Variants in GTF2A1 observed in about 807,000 individuals in gnomAD.
GTF2A1 encodes the protein general transcription factor IIA subunit 1, also known as transcription initiation factor IIA subunit 1.
A neutral mutation model predicts 54.1 loss-of-function variants in GTF2A1; 12 were observed. The ratio of observed to expected loss-of-function variants is 0.22; its 90% CI spans 0.14 to 0.36. The LOEUF is 0.36. GTF2A1 is among the 10% of genes least tolerant of loss of function. GTF2A1 has a pLI of 1.00. For missense variants in GTF2A1, 335 were observed against 442.2 expected (o/e 0.76, Z 2.17); for synonymous variants, 145 against 152.0 (o/e 0.95, Z 0.34).
chr14:81,206,537 C>CGATA (rs1893234453), intron 2 of GTF2A1, among the ~76,000 whole-genome samples: 1 of 152,228 alleles, frequency 6.6e-6, no homozygotes, highest in Non-Finnish European at 1.5e-5. Flanking sequence ...CCCTTCCAAT[C>CGATA]TATCCTCTAT....
Position 81,216,930 on chromosome 14 carries a change from C to A in GTF2A1, c.31-416G>T, listed in dbSNP as rs150074893. ...GGAGAATCTTATGTCCGGGAGTCATCTGCCTGGTAATAATCTGCAACCTAA... is the reference window on the plus strand; with the variant it reads ...GGAGAATCTTATGTCCGGGAGTCATATGCCTGGTAATAATCTGCAACCTAA... On this transcript the variant is annotated intron_variant, in intron 1 of 8. Transcript: ENST00000553612. 7.9e-5 allele frequency among the ~76,000 whole-genome samples: 12 copies of A among 152,330 alleles called. No individual in the cohort carries two copies. In the East Asian group the frequency reaches 2.3e-3, roughly 29 times the overall value.
chr14:81,212,495 A>T (rs1893394396), intron 2 of GTF2A1, among the ~76,000 whole-genome samples: 1 of 152,224 alleles, frequency 6.6e-6, no homozygotes, highest in South Asian at 2.1e-4. Context: ...AAATATTCTT[A>T]TCATCTCCCT....
intron 2 of GTF2A1, among the ~76,000 whole-genome samples, chr14:81,212,505 T>C (rs1222967521): frequency 2.0e-5 from 3 of 152,214 alleles, no homozygotes; most frequent in Admixed American, 6.5e-5. Context: ...ATCATCTCCC[T>C]TTCTGCTTAC....
At chr14:81,189,890 A>G (rs531312589) in intron 7 of GTF2A1, among the ~76,000 whole-genome samples, 1 of 152,168 alleles carries the variant, frequency 6.6e-6, no homozygotes, top group Non-Finnish European at 1.5e-5. Flanking sequence ...TCTACAAACA[A>G]AACAGTTAAG....
intron 2 of GTF2A1, among the ~76,000 whole-genome samples, chr14:81,205,911 T>A (rs971361274): frequency 1.3e-5 from 2 of 152,208 alleles, no homozygotes; most frequent in African/African-American, 4.8e-5. Flanking sequence ...ACATTATGAC[T>A]AATGTATTAT....
chr14:81,187,881 T>A (rs1892784232), intron 7 of GTF2A1, among the ~76,000 whole-genome samples: 1 of 152,028 alleles, frequency 6.6e-6, no homozygotes, highest in Non-Finnish European at 1.5e-5. Context: ...AATTCTATAC[T>A]GAATTTTTGA....
intron 1 of GTF2A1, among the ~76,000 whole-genome samples, chr14:81,220,163 G>T (rs1243746623): frequency 1.1e-5 from 1 of 90,914 alleles, no homozygotes; most frequent in Non-Finnish European, 2.4e-5. Flanking sequence ...CTCCCCTCCC[G>T]CCCTCCCTCC....
intron 6 of GTF2A1, among the ~76,000 whole-genome samples, chr14:81,193,236 G>A (rs183932107): frequency 3.6e-4 from 53 of 148,818 alleles, no homozygotes; most frequent in African/African-American, 1.3e-3. Flanking sequence ...GTGTGATCTC[G>A]GCTCACTGCA....
chr14:81,199,146 T>C (rs139878656), intron 4 of GTF2A1, among the ~76,000 whole-genome samples: 1 of 152,320 alleles, frequency 6.6e-6, no homozygotes, highest in Non-Finnish European at 1.5e-5. Context: ...TTAGAAATAT[T>C]AAGTGCCTAT....
rs1209492196 is a variant in GTF2A1 at position 81,178,974 on chromosome 14, C to A, written c.*1249G>T. 1 of 152,120 alleles carries A rather than the reference C, an allele frequency of 6.6e-6. No individual in the cohort carries two copies. Among genetic ancestry groups the A allele is most frequent in the African/African-American group, 2.4e-5 (1 of 41,432 alleles). The allele number at this position is 152,120 out of a possible 1,614,324, so 9.4% of individuals were successfully genotyped here. A position where few individuals can be genotyped will look rare whatever the true frequency, so the allele number is the denominator to read the frequency against. ...CATTCTTAATATACATATTACATTT[C>A]TATTATTTTTAATATACAAGTCAAA... On this transcript the variant is annotated 3_prime_UTR_variant, in exon 9 of 9. Coordinates refer to ENST00000553612, the MANE Select transcript of GTF2A1 (RefSeq NM_015859.4).
chr14:81,192,881 GATCAAGT>G, intron 6 of GTF2A1, 42 bp from the exon 7 acceptor site: 1 of 1,079,300 alleles, frequency 9.3e-7, no homozygotes. Context: ...TAGTTAAGAG[GATCAAGT>G]ATGGTACACA....
chr14:81,201,542 T>C lies in GTF2A1; in HGVS notation c.402+52A>G. 2.9e-6 allele frequency: 3 copies of C among 1,038,138 alleles called. No homozygotes were observed. In the South Asian group the frequency reaches 3.9e-5, roughly 14 times the overall value. The allele number at this position is 1,038,138 out of a possible 1,614,324, so 64.3% of individuals were successfully genotyped here. On this transcript the variant is annotated intron_variant, in intron 4 of 8. Transcript: ENST00000553612. ...AGGACATATATAGGCATAATTACAA[T>C]GTGGGTTAGAATTAAGTACAGCCAA... is the stretch of plus-strand genomic sequence containing the variant.
rs1350403861 is a variant in GTF2A1 at position 81,220,509 on chromosome 14, A to C, written c.10T>G (p.Ser4Ala). Residue 4 changes from serine to alanine, a missense_variant, in exon 1 of 9, where the codon TCG becomes GCG. Physicochemically the swap from Ser to Ala is moderately conservative, Grantham distance 99 (BLOSUM62 1). Around this residue, in one of 2 missense-constraint regions of GTF2A1, gnomAD observed 306 missense variants for 360.4 expected, o/e 0.85. Transcript: ENST00000553612. MANSANTNTVPKLY... is the reference protein window; with the variant it reads MANAANTNTVPKLY... ...CTTACCACGGTGTTTGTATTTGCCG[A>C]GTTCGCCATTTCCACACACAACACA... is the stretch of plus-strand genomic sequence containing the variant. The C allele has an allele frequency of 3.8e-6, 6 of 1,579,204 alleles. No individual in the cohort carries two copies. Among genetic ancestry groups the C allele is most frequent in the Admixed American group, 1.8e-5 (1 of 55,058 alleles).
intron 2 of GTF2A1, among the ~76,000 whole-genome samples, chr14:81,204,703 A>G (rs1190633231): frequency 1.3e-5 from 2 of 152,194 alleles, no homozygotes; most frequent in Admixed American, 1.3e-4. Flanking sequence ...CACTTCTTGA[A>G]ATGTCCTTCC....
intron 4 of GTF2A1, among the ~76,000 whole-genome samples, chr14:81,198,379 G>GGTTGCAGTGAGCCGAGATT (rs1474973204): frequency 6.6e-6 from 1 of 152,206 alleles, no homozygotes; most frequent in Non-Finnish European, 1.5e-5. Context: ...TGAAGGTGGA[G>GGTTGCAGTGAGCCGAGATT]GTTGCAGTGA....
At chr14:81,194,493 T>G (rs17111574) in intron 6 of GTF2A1, among the ~76,000 whole-genome samples, 19,401 of 152,212 alleles carry the variant, frequency 0.13, 1,416 homozygotes, top group African/African-American at 0.2. Flanking sequence ...TACATAATTT[T>G]GGAAAGATGT....
chr14:81,220,031 A>G (rs1316563312), intron 1 of GTF2A1, among the ~76,000 whole-genome samples: 2 of 152,028 alleles, frequency 1.3e-5, no homozygotes, highest in South Asian at 2.1e-4. Flanking sequence ...CCACTGCATT[A>G]AAGTGGATCA....
intron 4 of GTF2A1, among the ~76,000 whole-genome samples, chr14:81,199,643 A>G (rs1484050859): frequency 6.6e-6 from 1 of 152,240 alleles, no homozygotes; most frequent in Non-Finnish European, 1.5e-5. Flanking sequence ...TAAAAACAAC[A>G]AAGTAAAATG....
At chr14:81,214,462 G>A (rs1020130667) in intron 2 of GTF2A1, among the ~76,000 whole-genome samples, 2 of 151,880 alleles carry the variant, frequency 1.3e-5, no homozygotes, top group African/African-American at 4.8e-5. Flanking sequence ...TGGCTAACAC[G>A]GTGAAACCCC....
Sources: gnomAD v4.1 joint callset for allele counts (sites outside exome capture counted in the v4.1 genomes callset) on GRCh38, gnomAD v4.1.1 for gene constraint, gnomAD v4.1.1 regional missense constraint, MANE v1.5 for transcripts, NCBI Gene and HGNC (gene_info 2026-07-23, HGNC 2026-07-21) for gene names.